Variants in EYS observed in about 807,000 individuals in gnomAD.
EYS encodes protein eyes shut homolog.
EYS carries 250 observed loss-of-function variants against 282.1 expected under a neutral mutation model. The ratio of observed to expected loss-of-function variants is 0.89; its 90% confidence interval spans 0.80 to 0.98. The LOEUF is 0.98. EYS is among the 50% of genes least tolerant of loss of function. EYS has a pLI of 0.00. For synonymous variants in EYS, 1,355 were observed against 1,282.9 expected, an observed-to-expected ratio of 1.06 and a Z score of -1.20; for missense variants, 4,016 against 3,709.0, an observed-to-expected ratio of 1.08 and a Z score of -2.15.
At chr6:65,513,986 A>C (rs1443307979) in intron 2 of EYS, among the ~76,000 whole-genome samples, 1 of 152,184 alleles carries the variant, frequency 6.6e-6, no homozygotes, top group Non-Finnish European at 1.5e-5. Context: ...AATTCGGAAA[A>C]GAGGAAGTCA....
At chr6:63,762,678 G>A in intron 40 of EYS, 45 bp from the exon 41 acceptor site, 1 of 1,518,364 alleles carries the variant, frequency 6.6e-7, no homozygotes, top group Non-Finnish European at 8.9e-7. Flanking sequence ...CTTGTTTAGA[G>A]ATGGATACAT....
At chr6:64,742,736 C>T (rs1382789120) in intron 22 of EYS, among the ~76,000 whole-genome samples, 2 of 152,076 alleles carry the variant, frequency 1.3e-5, no homozygotes, top group African/African-American at 4.8e-5. Flanking sequence ...ACATGTCAAT[C>T]ATATTTAAAT....
intron 12 of EYS, among the ~76,000 whole-genome samples, chr6:65,122,977 C>T (rs17323900): frequency 0.23 from 34,693 of 151,694 alleles, 4,544 homozygotes; most frequent in African/African-American, 0.35. Flanking sequence ...CACAATTAGT[C>T]GTGATTTCTA....
In EYS at chr6:63,721,181, G is replaced by A. The variant is rs1260487488; in HGVS notation, c.8850C>T (p.Asn2950=). ...TLGWVGRYCE[N]KTSFSTAKFM... ...ATTTTGCAGTTGAAAATGAAGTTTT[G>A]TTTTCACAATACCTTCCCACCCAAC... is the stretch of plus-strand genomic sequence containing the variant. Residue 2950 remains asparagine, a synonymous_variant, in exon 43 of 43, where the codon AAC becomes AAT. Coordinates refer to ENST00000503581, the MANE Select transcript of EYS (RefSeq NM_001142800.2). 6.4e-7 allele frequency: 1 copy of A among 1,551,564 alleles called. No individual in the cohort carries two copies. Among genetic ancestry groups the A allele is most frequent in the South Asian group, 1.2e-5 (1 of 84,052 alleles).
chr6:64,948,304 T>A (rs951689096), intron 14 of EYS, among the ~76,000 whole-genome samples: 1 of 151,268 alleles, frequency 6.6e-6, no homozygotes, highest in African/African-American at 2.4e-5. Context: ...TTCAAAAGCA[T>A]TTTCCTCAAT....
chr6:64,043,082 T>C (rs1770462789), intron 33 of EYS, among the ~76,000 whole-genome samples: 1 of 152,192 alleles, frequency 6.6e-6, no homozygotes, highest in Non-Finnish European at 1.5e-5. Flanking sequence ...TAAATGTTAA[T>C]CATCTTAAGA....
At chr6:63,760,470 A>C (rs1376765355) in intron 41 of EYS, among the ~76,000 whole-genome samples, 1 of 152,046 alleles carries the variant, frequency 6.6e-6, no homozygotes, top group African/African-American at 2.4e-5. Flanking sequence ...AAAGTATTCT[A>C]ACCAAATTGT....
intron 5 of EYS, among the ~76,000 whole-genome samples, chr6:65,483,753 GA>G (rs1265920882): frequency 1.3e-5 from 2 of 152,134 alleles, no homozygotes; most frequent in African/African-American, 4.8e-5. Context: ...ATTTGCAAAA[GA>G]AAGAAGTTTA....
intron 22 of EYS, among the ~76,000 whole-genome samples, chr6:64,701,205 T>A (rs1770775616): frequency 6.6e-6 from 1 of 152,116 alleles, no homozygotes; most frequent in Admixed American, 6.6e-5. Flanking sequence ...TCTCTCATTA[T>A]GTACAAAAAT....
chr6:63,813,534 T>C (rs1422550511), intron 36 of EYS, among the ~76,000 whole-genome samples: 1 of 152,212 alleles, frequency 6.6e-6, no homozygotes, highest in Non-Finnish European at 1.5e-5. Flanking sequence ...AAAAATTTTC[T>C]TAAGTGCATC....
intron 22 of EYS, among the ~76,000 whole-genome samples, chr6:64,629,696 G>C (rs1767719436): frequency 6.6e-6 from 1 of 152,088 alleles, no homozygotes; most frequent in Non-Finnish European, 1.5e-5. Context: ...TTCATTACTA[G>C]AAAGCAATTG....
intron 19 of EYS, among the ~76,000 whole-genome samples, chr6:64,861,696 TTATAA>T (rs535333253): frequency 3.3e-4 from 51 of 152,334 alleles, no homozygotes; most frequent in African/African-American, 1.2e-3. Flanking sequence ...TTTCTGAACC[TTATAA>T]TATAACATTC....
At position 65,243,928 on chromosome 6, in the gene EYS, G is replaced by C. The variant is rs528779317; in HGVS notation, c.2023+51935C>G. Among the ~76,000 whole-genome samples, 4 of 152,148 alleles carry C rather than the reference G, an allele frequency of 2.6e-5. No homozygotes were observed. In the South Asian group the frequency reaches 6.2e-4, roughly 24 times the overall value. ...TCAAAGTAATTTGTTTTTAAAGTTT[G>C]TATTTTTTTCCATTTTGCTAGTTGT... On this transcript the variant is annotated intron_variant, in intron 12 of 42. Transcript: ENST00000503581.
chr6:65,281,805 T>C (rs1320421518), intron 12 of EYS, among the ~76,000 whole-genome samples: 1 of 152,156 alleles, frequency 6.6e-6, no homozygotes, highest in East Asian at 1.9e-4. Context: ...TAAGTTCTTC[T>C]GAAGGAAAAC....
intron 29 of EYS, among the ~76,000 whole-genome samples, chr6:64,332,376 G>T (rs1770680102): frequency 2.0e-5 from 3 of 152,186 alleles, no homozygotes; most frequent in Admixed American, 2.0e-4. Flanking sequence ...GGTGGGTAAG[G>T]AAAAGAATAC....
At chr6:64,821,876 A>G (rs1764911201) in intron 20 of EYS, among the ~76,000 whole-genome samples, 153 bp from the exon 21 acceptor site, 1 of 152,030 alleles carries the variant, frequency 6.6e-6, no homozygotes, top group Non-Finnish European at 1.5e-5. Context: ...TGGGTTTCTT[A>G]TCCTTGAAGG....
intron 1 of EYS, among the ~76,000 whole-genome samples, chr6:65,699,854 C>G (rs562416764): frequency 6.6e-6 from 1 of 152,038 alleles, no homozygotes; most frequent in African/African-American, 2.4e-5. Flanking sequence ...GTGGCTCACG[C>G]CTGTAATCCC....
chr6:64,173,459 C>T (rs570187952), intron 31 of EYS, among the ~76,000 whole-genome samples: 1 of 152,198 alleles, frequency 6.6e-6, no homozygotes, highest in African/African-American at 2.4e-5. Flanking sequence ...AGTTTATTGT[C>T]CTTTCAGAGT....
At chr6:65,390,211 A>G (rs1257640769) in intron 7 of EYS, among the ~76,000 whole-genome samples, 1 of 151,746 alleles carries the variant, frequency 6.6e-6, no homozygotes, top group African/African-American at 2.4e-5. Context: ...AAACAACCAA[A>G]GTGAGTGGAT....
Sources: gnomAD v4.1 joint callset for allele counts (sites outside exome capture counted in the v4.1 genomes callset) on GRCh38, gnomAD v4.1.1 for gene constraint, MANE v1.5 for transcripts, NCBI Gene and HGNC (gene_info 2026-07-23, HGNC 2026-07-21) for gene names.